Variants in DRC3 observed in about 807,000 individuals in gnomAD.
DRC3 encodes dynein regulatory complex subunit 3.
DRC3 carries 45 observed loss-of-function variants against 57.6 expected under a neutral mutation model. The observed-to-expected ratio is 0.78, with a 90% CI of 0.62 to 1.00. The LOEUF is 1.00. Among genes scored for constraint, DRC3 ranks in the 50% least tolerant of loss-of-function variants. The pLI is 0.00. For missense variants in DRC3, 655 were observed against 675.2 expected, an observed-to-expected ratio of 0.97 and a Z score of 0.33; for synonymous variants, 257 against 272.3, an observed-to-expected ratio of 0.94 and a Z score of 0.55.
intron 12 of DRC3, among the ~76,000 whole-genome samples, chr17:18,013,437 C>T (rs982160693): frequency 6.6e-6 from 1 of 152,126 alleles, no homozygotes; most frequent in African/African-American, 2.4e-5. Context: ...AAATGTGGTA[C>T]CTATACACAA....
intron 6 of DRC3, chr17:17,993,918 G>T (rs2043337758): frequency 4.2e-6 from 1 of 239,232 alleles, no homozygotes; most frequent in Admixed American, 5.1e-5. Context: ...CCCTAAAAGA[G>T]GGCCAGAAGG....
At chr17:18,015,115 T>C (rs1395585794) in intron 12 of DRC3, 5 of 152,266 alleles carry the variant, frequency 3.3e-5, no homozygotes, top group African/African-American at 1.2e-4. Context: ...CAGAATACTT[T>C]GTGCCCAGCA....
intron 9 of DRC3, among the ~76,000 whole-genome samples, chr17:18,000,594 T>G (rs2043688550): frequency 6.6e-6 from 1 of 152,218 alleles, no homozygotes; most frequent in Non-Finnish European, 1.5e-5. Flanking sequence ...GGTGCAAGTT[T>G]GACCTGCAGG....
At chr17:17,985,415 A>G (rs1206495912) in intron 4 of DRC3, among the ~76,000 whole-genome samples, 2 of 152,206 alleles carry the variant, frequency 1.3e-5, no homozygotes, top group African/African-American at 4.8e-5. Flanking sequence ...CTCAGAGTAT[A>G]GGCAGAAGCT....
intron 5 of DRC3, 141 bp from the exon 6 acceptor site, chr17:17,992,624 C>T (rs2043283254): frequency 2.3e-6 from 2 of 869,092 alleles, no homozygotes; most frequent in Non-Finnish European, 3.5e-6. Context: ...CCCACGCCTG[C>T]ACACTGCCTG....
At chr17:18,007,293 G>C in intron 12 of DRC3, 146 bp downstream of exon 12, 1 of 1,193,862 alleles carries the variant, frequency 8.4e-7, no homozygotes, top group Non-Finnish European at 1.2e-6. Context: ...GCTTTACAGG[G>C]TTGCTGGCAG....
rs542112414 is a variant in DRC3 at position 17,980,011 on chromosome 17, G to A, written c.160+2253G>A. Among the ~76,000 whole-genome samples the A allele has an allele frequency of 2.6e-5, 4 of 151,942 alleles. No individual in the cohort carries two copies. In the South Asian group the frequency reaches 8.3e-4, roughly 32 times the overall value. On this transcript the variant is annotated intron_variant, in intron 3 of 13. Coordinates refer to ENST00000399187, the MANE Select transcript of DRC3 (RefSeq NM_031294.4). ...AGGCAGCAATCCAGCTCTAAGGGAA[G>A]GGCAGTCCCACCCAGCCCTGGGAAC... is the stretch of plus-strand genomic sequence containing the variant.
intron 9 of DRC3, among the ~76,000 whole-genome samples, chr17:18,001,711 G>C (rs1280601292): frequency 6.6e-6 from 1 of 151,676 alleles, no homozygotes; most frequent in African/African-American, 2.4e-5. Context: ...CAGGAAGATC[G>C]CTTGAGCCCA....
At position 17,995,031 on chromosome 17, in the gene DRC3, C is replaced by G. The variant is rs73303853; in HGVS notation, c.744C>G (p.Phe248Leu). ...TTGTGGAACACCTGAATGGCTCCTT[C>G]CTGTTTGACAGCATGTACGCTGAGG... ...TAFVEHLNGS[F>L]LFDSMYAEDS... is the part of the protein sequence containing the mutation. The change falls in exon 8 of 14, where the codon TTC becomes TTG. Residue 248 changes from phenylalanine to leucine, a missense_variant. Physicochemically the swap from Phe to Leu is conservative, Grantham distance 22 (BLOSUM62 0). Transcript: ENST00000399187. 244 of 1,613,992 alleles carry G rather than the reference C, an allele frequency of 1.5e-4. No individual in the cohort carries two copies. The African/African-American group carries it at 3.0e-3, about 20-fold the overall frequency.
intron 9 of DRC3, among the ~76,000 whole-genome samples, chr17:17,999,182 C>T (rs932453945): frequency 1.6e-4 from 24 of 152,218 alleles, no homozygotes; most frequent in African/African-American, 5.5e-4. Context: ...TGACTTGGAA[C>T]ATGGAACGTG....
chr17:17,993,166 C>T (rs1376331424), intron 6 of DRC3: 2 of 388,598 alleles, frequency 5.1e-6, no homozygotes, highest in Non-Finnish European at 9.4e-6. Context: ...CACAGCCATC[C>T]TGCACTGTCT....
intron 4 of DRC3, among the ~76,000 whole-genome samples, chr17:17,986,651 C>G (rs2042973059): frequency 6.6e-6 from 1 of 151,946 alleles, no homozygotes; most frequent in Admixed American, 6.6e-5. Flanking sequence ...TTAGTAGAGA[C>G]AGGGTTTTGC....
At chr17:18,006,970 C>G in intron 11 of DRC3, 54 bp from the exon 12 acceptor site, 3 of 1,607,138 alleles carry the variant, frequency 1.9e-6, no homozygotes, top group Non-Finnish European at 2.6e-6. Flanking sequence ...CTGAGAGCAT[C>G]AGGGACGCGC....
intron 10 of DRC3, chr17:18,004,980 T>C (rs1276715493): frequency 6.4e-6 from 1 of 155,988 alleles, no homozygotes; most frequent in African/African-American, 2.4e-5. Context: ...AGGCTGGGAG[T>C]CTGAAGTGGT....
rs2044374616 is a variant in DRC3, at chr17:18,016,631, G to A, written c.1532G>A (p.Ser511Asn). The A allele has an allele frequency of 6.2e-7, 1 of 1,613,698 alleles. No homozygotes were observed. The highest frequency in any genetic ancestry group is 1.1e-5 in the South Asian group (1 of 91,068). ...EINQYIDHMQ[S>N]ELDNLECGDI... Reference sequence around the variant, plus strand: ...AATCAGTACATCGACCACATGCAGAGCGAACTGGACAACCTGGAATGTGGC... The same window carrying A: ...AATCAGTACATCGACCACATGCAGAACGAACTGGACAACCTGGAATGTGGC... Residue 511 changes from serine (S) to asparagine (N), a missense_variant, in exon 14 of 14, where the codon AGC becomes AAC. Ser to Asn is a conservative substitution (Grantham distance 46). Transcript: ENST00000399187.
intron 4 of DRC3, among the ~76,000 whole-genome samples, chr17:17,986,510 C>T (rs866157567): frequency 1.3e-5 from 2 of 148,432 alleles, no homozygotes; most frequent in Non-Finnish European, 3.0e-5. Flanking sequence ...CACTTCATCA[C>T]CTAGGCTGGA....
chr17:18,000,192 C>CTATATTATGCA (rs1491126209), intron 9 of DRC3, among the ~76,000 whole-genome samples: 1 of 50,966 alleles, frequency 2.0e-5, no homozygotes. Flanking sequence ...CTTTGCTTTC[C>CTATATTATGCA]TCTGTGTGTG....
At chr17:18,005,773 G>C (rs1335580486) in intron 10 of DRC3, 2 of 202,536 alleles carry the variant, frequency 9.9e-6, no homozygotes, top group Non-Finnish European at 2.0e-5. Flanking sequence ...GAGTGCTGGA[G>C]CTGGGAATAC....
chr17:18,013,370 G>A (rs79254839), intron 12 of DRC3, among the ~76,000 whole-genome samples: 2,237 of 152,142 alleles, frequency 0.015, 52 homozygotes, highest in African/African-American at 0.052. Context: ...AGCACTGTTC[G>A]CAATAACAAG....
Sources: gnomAD v4.1 joint callset for allele counts (sites outside exome capture counted in the v4.1 genomes callset) on GRCh38, gnomAD v4.1.1 for gene constraint, MANE v1.5 for transcripts, NCBI Gene and HGNC (gene_info 2026-07-23, HGNC 2026-07-21) for gene names.